The following PAM variants were observed in gnomAD, a reference collection of about 807,000 sequenced individuals.
The protein encoded by PAM is peptidylglycine alpha-amidating monooxygenase.
PAM carries 72 observed loss-of-function variants against 122.1 expected under a neutral mutation model. The observed-to-expected ratio is 0.59, with a 90% CI of 0.49 to 0.72. The LOEUF is 0.72. Among genes scored for constraint, PAM ranks in the 30% least tolerant of loss-of-function variants. PAM has a pLI of 0.00. For synonymous variants in PAM, 389 were observed against 404.4 expected (o/e 0.96, Z 0.46); for missense variants, 1,106 against 1,183.7 (o/e 0.93, Z 0.96).
chr5:102,817,377 A>G (rs764179141), intron 1 of PAM, among the ~76,000 whole-genome samples: 2 of 152,146 alleles, frequency 1.3e-5, no homozygotes, highest in Non-Finnish European at 2.9e-5. Flanking sequence ...TCCCAATTAA[A>G]ATATGCTCAA....
intron 16 of PAM, among the ~76,000 whole-genome samples, chr5:102,998,510 T>C (rs999605639): frequency 9.2e-5 from 14 of 152,294 alleles, no homozygotes; most frequent in Admixed American, 8.5e-4. Flanking sequence ...TGAATTGGAA[T>C]TATGAATCAG....
In PAM at chr5:103,024,157, G is replaced by GT. The variant is rs144557120; in HGVS notation, c.2486-973dup. 4.1e-3 allele frequency among the ~76,000 whole-genome samples: 617 copies of GT among 152,210 alleles called. 2 individuals are homozygous for GT. Among genetic ancestry groups the GT allele is most frequent in the African/African-American group, 0.014 (578 of 41,536 alleles). ...TGTGAGTCTTCCTGCAAATGTGGTT[G>GT]TAACTTTTAGTCTGGGCAAATTCTT... On this transcript the variant is annotated intron_variant, in intron 23 of 25. Coordinates refer to ENST00000438793, the MANE Select transcript of PAM (RefSeq NM_001177306.2).
intron 1 of PAM, among the ~76,000 whole-genome samples, chr5:102,799,117 A>C (rs1764073015): frequency 6.6e-6 from 1 of 152,236 alleles, no homozygotes; most frequent in Non-Finnish European, 1.5e-5. Flanking sequence ...ACCATTGCTA[A>C]AATAACCTGG....
chr5:102,764,579 C>T (rs139889567), intron 1 of PAM, among the ~76,000 whole-genome samples: 62 of 152,216 alleles, frequency 4.1e-4, no homozygotes, highest in African/African-American at 1.1e-3. Context: ...TCCAGAAATA[C>T]GGGGCGTGAG....
chr5:102,985,141 A>G (rs1470101559), intron 15 of PAM, among the ~76,000 whole-genome samples: 1 of 152,104 alleles, frequency 6.6e-6, no homozygotes, highest in Non-Finnish European at 1.5e-5. Flanking sequence ...GAAGGATGTC[A>G]AATAAGCAAC....
chr5:102,973,547 T>A (rs1401767381), intron 14 of PAM, among the ~76,000 whole-genome samples: 1 of 152,156 alleles, frequency 6.6e-6, no homozygotes, highest in Admixed American at 6.6e-5. Context: ...CATTTTTTGT[T>A]TAAGAGGAAC....
At chr5:102,909,062 GAT>G (rs1333569671) in intron 4 of PAM, among the ~76,000 whole-genome samples, 15 of 151,786 alleles carry the variant, frequency 9.9e-5, no homozygotes, top group African/African-American at 3.6e-4. Context: ...AAGAAATGTT[GAT>G]AGTAAGATTT....
intron 1 of PAM, among the ~76,000 whole-genome samples, chr5:102,799,202 A>G (rs1764090491): frequency 6.6e-6 from 1 of 152,202 alleles, no homozygotes; most frequent in Non-Finnish European, 1.5e-5. Context: ...CGGATTTGGC[A>G]TTTTAACAAA....
At chr5:103,001,480 CCACTG>C (rs1582766298) in intron 16 of PAM, among the ~76,000 whole-genome samples, 1 of 151,898 alleles carries the variant, frequency 6.6e-6, no homozygotes, top group East Asian at 1.9e-4. Context: ...TTTCTAGATA[CCACTG>C]TGTGGTTTTT....
intron 1 of PAM, among the ~76,000 whole-genome samples, chr5:102,856,578 A>G (rs978887615): frequency 2.6e-5 from 4 of 152,214 alleles, no homozygotes; most frequent in Admixed American, 2.0e-4. Flanking sequence ...GTCAAAGCTG[A>G]GGAATTTAAT....
At chr5:103,000,085 C>T (rs756402507) in intron 16 of PAM, among the ~76,000 whole-genome samples, 6 of 152,152 alleles carry the variant, frequency 3.9e-5, no homozygotes, top group Non-Finnish European at 7.3e-5. Context: ...TTTAAACATA[C>T]GTTCCAATTC....
chr5:102,817,270 A>C (rs1770195633), intron 1 of PAM, among the ~76,000 whole-genome samples: 1 of 152,094 alleles, frequency 6.6e-6, no homozygotes, highest in African/African-American at 2.4e-5. Flanking sequence ...ATTATAATTA[A>C]AATTTAAAAA....
intron 14 of PAM, 28 bp from the exon 15 acceptor site, chr5:102,974,088 G>A (rs563317339): frequency 1.4e-4 from 210 of 1,548,246 alleles, no homozygotes; most frequent in South Asian, 7.6e-4. Flanking sequence ...TACCCTCCAC[G>A]CCCTTATCTC....
At chr5:102,821,554 T>G (rs1771909193) in intron 1 of PAM, among the ~76,000 whole-genome samples, 1 of 152,256 alleles carries the variant, frequency 6.6e-6, no homozygotes, top group South Asian at 2.1e-4. Context: ...AATATGGATC[T>G]CCAGAGAACT....
chr5:102,846,129 C>T (rs535461559), intron 1 of PAM, among the ~76,000 whole-genome samples: 1 of 152,182 alleles, frequency 6.6e-6, no homozygotes, highest in South Asian at 2.1e-4. Context: ...TTAAACTACT[C>T]CCTGATGGTG....
intron 4 of PAM, among the ~76,000 whole-genome samples, chr5:102,913,133 C>T (rs574692948): frequency 3.9e-5 from 6 of 151,994 alleles, no homozygotes; most frequent in Non-Finnish European, 7.4e-5. Context: ...AAAGGTGACT[C>T]GTAAACAGCT....
rs1800832698 is a variant in PAM at position 102,909,814 on chromosome 5, GA to G, written c.269-4117del. On this transcript the variant is annotated intron_variant, in intron 4 of 25. Transcript: ENST00000438793. The stretch of plus-strand genomic sequence containing the variant: ...ACACGATTACATTGGGAGGAAAAAA[GA>G]AAGTTAACAATAGTTATCCCTAATA... Among the ~76,000 whole-genome samples, 4 of 151,978 alleles carry G rather than the reference GA, an allele frequency of 2.6e-5. No individual in the cohort carries two copies. In the South Asian group the frequency reaches 8.3e-4, roughly 32 times the overall value.
At chr5:102,942,668 G>T (rs1050414349) in intron 7 of PAM, among the ~76,000 whole-genome samples, 47 of 150,508 alleles carry the variant, frequency 3.1e-4, no homozygotes, top group African/African-American at 1.1e-3. Flanking sequence ...CTGCAGCCTC[G>T]ACCTCCCAGG....
chr5:102,813,752 C>A (rs1012112597), intron 1 of PAM, among the ~76,000 whole-genome samples: 3 of 152,110 alleles, frequency 2.0e-5, no homozygotes, highest in Non-Finnish European at 4.4e-5. Context: ...TCCTCTAAAA[C>A]AGTCTACTTT....
Sources: gnomAD v4.1 joint callset for allele counts (sites outside exome capture counted in the v4.1 genomes callset) on GRCh38, gnomAD v4.1.1 for gene constraint, MANE v1.5 for transcripts, NCBI Gene and HGNC (gene_info 2026-07-23, HGNC 2026-07-21) for gene names.